SRBD1: variants seen among roughly 807,000 people sequenced by gnomAD.
SRBD1 encodes S1 RNA binding domain 1, also known as S1 RNA-binding domain-containing protein 1.
In SRBD1, 88 loss-of-function variants were observed where a neutral mutation model predicts 115.3. The ratio of observed to expected loss-of-function variants is 0.76; its 90% confidence interval spans 0.64 to 0.91. The LOEUF (loss-of-function observed/expected upper bound fraction) is 0.91, where lower values mean the gene tolerates loss of function less well. SRBD1 is among the 40% of genes least tolerant of loss of function. The pLI is 0.00. For missense variants in SRBD1, 1,385 were observed against 1,177.4 expected, an observed-to-expected ratio of 1.18 and a Z score of -2.58; for synonymous variants, 509 against 407.7, an observed-to-expected ratio of 1.25 and a Z score of -2.99.
At chr2:45,495,111 G>A (rs927962387) in intron 14 of SRBD1, among the ~76,000 whole-genome samples, 3 of 152,140 alleles carry the variant, frequency 2.0e-5, no homozygotes, top group East Asian at 3.8e-4. Flanking sequence ...TAGCTACAGA[G>A]CAGTCTTTCA....
chr2:45,605,220 T>G (rs1442953828), intron 2 of SRBD1, 142 bp downstream of exon 2: 2 of 672,728 alleles, frequency 3.0e-6, no homozygotes, highest in East Asian at 2.6e-5. Context: ...CAGCATGAGT[T>G]CAACAAATAC....
At chr2:45,571,358 C>T (rs1294302970) in intron 9 of SRBD1, among the ~76,000 whole-genome samples, 1 of 151,028 alleles carries the variant, frequency 6.6e-6, no homozygotes, top group Non-Finnish European at 1.5e-5. Context: ...CAAGGGAGAC[C>T]TCAGTGGCCA....
intron 19 of SRBD1, 149 bp from the exon 20 acceptor site, chr2:45,393,278 T>C (rs10432665): frequency 0.11 from 82,728 of 761,976 alleles, 5,021 homozygotes; most frequent in Non-Finnish European, 0.11. Flanking sequence ...TCCTGTGCTG[T>C]AAACTGTCCT....
At chr2:45,456,720 G>GAAGAA (rs1669166163) in intron 16 of SRBD1, among the ~76,000 whole-genome samples, 1 of 151,812 alleles carries the variant, frequency 6.6e-6, no homozygotes, top group African/African-American at 2.4e-5. Flanking sequence ...CCAGCATGCT[G>GAAGAA]AAGAAAAATA....
At chr2:45,596,693 C>T (rs1673905542) in intron 4 of SRBD1, among the ~76,000 whole-genome samples, 1 of 152,094 alleles carries the variant, frequency 6.6e-6, no homozygotes, top group African/African-American at 2.4e-5. Context: ...TAGTACAGAG[C>T]CGAGCTCATA....
At chr2:45,490,256 C>T (rs765100058) in intron 14 of SRBD1, among the ~76,000 whole-genome samples, 3 of 152,036 alleles carry the variant, frequency 2.0e-5, no homozygotes, top group African/African-American at 4.8e-5. Flanking sequence ...GTGGCATTTC[C>T]TAACCAGGGG....
At chr2:45,574,791 A>T (rs1205867767) in intron 7 of SRBD1, 68 bp from the exon 8 acceptor site, 2 of 1,289,234 alleles carry the variant, frequency 1.6e-6, no homozygotes, top group Middle Eastern at 1.9e-4. Context: ...TTCTATAACT[A>T]AATCACAGTA....
At chr2:45,408,573 C>CA (rs751271843) in intron 19 of SRBD1, among the ~76,000 whole-genome samples, 19 of 151,444 alleles carry the variant, frequency 1.3e-4, no homozygotes, top group Middle Eastern at 3.4e-3. Context: ...TCAAAGCTGG[C>CA]AAAAAAAAGT....
intron 4 of SRBD1, among the ~76,000 whole-genome samples, chr2:45,591,604 C>T (rs1249606149): frequency 2.6e-5 from 4 of 152,116 alleles, no homozygotes; most frequent in East Asian, 1.9e-4. Flanking sequence ...GTGGATGAGG[C>T]TACATGGTGA....
At position 45,429,978 on chromosome 2, in the gene SRBD1, G is replaced by A. The variant is rs373089534; in HGVS notation, c.2050-10084C>T. 7.9e-5 allele frequency among the ~76,000 whole-genome samples: 12 copies of A among 152,178 alleles called. No homozygotes were observed. In the East Asian group the frequency reaches 1.9e-3, roughly 24 times the overall value. On this transcript the variant is annotated intron_variant, in intron 16 of 20. Coordinates refer to ENST00000263736, the MANE Select transcript of SRBD1 (RefSeq NM_018079.5). ...CAAAATCAATGTGCAAAAATCACAG[G>A]CACTCCTATACACCAATAATAGACA...
intron 14 of SRBD1, among the ~76,000 whole-genome samples, chr2:45,540,132 G>C (rs1473946838): frequency 6.6e-6 from 1 of 152,074 alleles, no homozygotes; most frequent in Non-Finnish European, 1.5e-5. Context: ...CATGAGGTCA[G>C]GAGTTCAAGA....
chr2:45,409,500 G>C (rs537530898), intron 19 of SRBD1, among the ~76,000 whole-genome samples: 3 of 136,760 alleles, frequency 2.2e-5, no homozygotes, highest in African/African-American at 8.3e-5. Context: ...TGAAGGTCCC[G>C]GCCATTGCAA....
chr2:45,513,366 T>C (rs1671027339), intron 14 of SRBD1, among the ~76,000 whole-genome samples: 2 of 151,358 alleles, frequency 1.3e-5, no homozygotes. Flanking sequence ...TCTAGTTATG[T>C]AACAAGGGCT....
intron 14 of SRBD1, among the ~76,000 whole-genome samples, chr2:45,513,684 G>C (rs977526621): frequency 2.6e-5 from 4 of 152,002 alleles, no homozygotes; most frequent in African/African-American, 9.7e-5. Context: ...AGGGTATTCT[G>C]ACTCAAATAC....
chr2:45,413,437 C>G (rs913740581), intron 18 of SRBD1, 144 bp from the exon 19 acceptor site: 13 of 931,124 alleles, frequency 1.4e-5, no homozygotes, highest in African/African-American at 1.3e-4. Context: ...ATAGAAACTA[C>G]CACTTATTTG....
chr2:45,534,793 T>C (rs779095623), intron 14 of SRBD1, among the ~76,000 whole-genome samples: 2 of 151,850 alleles, frequency 1.3e-5, no homozygotes, highest in Non-Finnish European at 2.9e-5. Flanking sequence ...GCTAAATAGA[T>C]CTTAAGTTAT....
chr2:45,407,104 G>C (rs1489588814), intron 19 of SRBD1, among the ~76,000 whole-genome samples: 1 of 152,132 alleles, frequency 6.6e-6, no homozygotes, highest in African/African-American at 2.4e-5. Context: ...AGTCAGCTTA[G>C]GCAATTTACT....
chr2:45,550,956 T>C (rs1229535571), intron 12 of SRBD1, among the ~76,000 whole-genome samples, 169 bp downstream of exon 12: 1 of 152,160 alleles, frequency 6.6e-6, no homozygotes, highest in Non-Finnish European at 1.5e-5. Flanking sequence ...GATCAACAAA[T>C]GAGAGAAAAA....
chr2:45,601,781 G>T, intron 3 of SRBD1, 122 bp downstream of exon 3: 1 of 1,261,756 alleles, frequency 7.9e-7, no homozygotes, highest in Non-Finnish European at 1.1e-6. Context: ...CCCAGGGTAG[G>T]GGATGCCATT....
Sources: gnomAD v4.1 joint callset for allele counts (sites outside exome capture counted in the v4.1 genomes callset) on GRCh38, gnomAD v4.1.1 for gene constraint, MANE v1.5 for transcripts, NCBI Gene and HGNC (gene_info 2026-07-23, HGNC 2026-07-21) for gene names.